FRAS1: variants seen among roughly 807,000 people sequenced by gnomAD.
FRAS1 encodes the protein extracellular matrix organizing protein FRAS1.
Under a neutral mutation model 435.2 loss-of-function variants are expected in FRAS1, and 290 were observed. That is an observed-to-expected ratio of 0.67 (90% confidence interval 0.61 to 0.73). FRAS1 has a LOEUF of 0.73. Among genes scored for constraint, FRAS1 ranks in the 30% least tolerant of loss-of-function variants. The pLI, the probability that FRAS1 is intolerant of heterozygous loss-of-function variation, is 0.00. For synonymous variants in FRAS1, 1,800 were observed against 1,851.0 expected, an observed-to-expected ratio of 0.97 and a Z score of 0.71; for missense variants, 4,860 against 5,001.5, an observed-to-expected ratio of 0.97 and a Z score of 0.85.
intron 2 of FRAS1, among the ~76,000 whole-genome samples, chr4:78,164,418 A>C (rs1721258938): frequency 6.6e-6 from 1 of 152,210 alleles, no homozygotes. Context: ...CAATTAATAA[A>C]GATCTTTTTA....
At chr4:78,070,527 T>C (rs1472257726) in intron 2 of FRAS1, 2 of 152,194 alleles carry the variant, frequency 1.3e-5, no homozygotes, top group Non-Finnish European at 2.9e-5. Flanking sequence ...TTTTGGGGTG[T>C]GTTTCTTACT....
intron 18 of FRAS1, among the ~76,000 whole-genome samples, chr4:78,327,716 AT>A (rs1729774484): frequency 6.6e-6 from 1 of 152,212 alleles, no homozygotes; most frequent in Admixed American, 6.5e-5. Context: ...TCTCCCATAT[AT>A]GCTCTGTAAT....
rs945154920 is a variant in FRAS1, at chr4:78,424,394, C to A, written c.4685C>A (p.Pro1562Gln). Residue 1562 changes from proline (P) to glutamine (Q), a missense_variant, in exon 35 of 74, where the codon CCA (proline) becomes CAA (glutamine). Transcript: ENST00000512123. The stretch of plus-strand genomic sequence containing the variant: ...GTCTCTCTTACTCTTTTAGGTCTCC[C>A]AGAATCAGTGAAATTCCACTTCACA... ...ELMAFSFAGL[P>Q]ESVKFHFTVS... 169 of 1,466,978 alleles carry A rather than the reference C, an allele frequency of 1.2e-4. No homozygotes were observed. Among genetic ancestry groups the A allele is most frequent in the Non-Finnish European group, 1.4e-4 (159 of 1,099,752 alleles). 90.9% of individuals were successfully genotyped at this position (1,466,978 alleles called of 1,614,324 possible). A position where few individuals can be genotyped will look rare whatever the true frequency, so the allele number is the denominator to read the frequency against.
At chr4:78,453,796 CA>C (rs10594388) in intron 47 of FRAS1, among the ~76,000 whole-genome samples, 3 of 150,778 alleles carry the variant, frequency 2.0e-5, no homozygotes, top group African/African-American at 7.3e-5. Flanking sequence ...GACCCTATCT[CA>C]AAAAAAAAAG....
intron 2 of FRAS1, among the ~76,000 whole-genome samples, chr4:78,219,209 A>T (rs1374835490): frequency 2.0e-5 from 3 of 152,200 alleles, no homozygotes; most frequent in African/African-American, 7.2e-5. Flanking sequence ...TACATCTATT[A>T]TCAGACTGAA....
intron 36 of FRAS1, among the ~76,000 whole-genome samples, chr4:78,429,848 C>T (rs771897283): frequency 7.9e-5 from 12 of 152,264 alleles, no homozygotes; most frequent in Non-Finnish European, 1.3e-4. Context: ...TACAAGGATG[C>T]CTGTCACTTT....
At chr4:78,225,120 G>C (rs1724215045) in intron 2 of FRAS1, among the ~76,000 whole-genome samples, 1 of 152,182 alleles carries the variant, frequency 6.6e-6, no homozygotes, top group South Asian at 2.1e-4. Flanking sequence ...GGATGTCTGA[G>C]AGCCTCTGTT....
At chr4:78,262,474 G>C (rs569698428) in intron 6 of FRAS1, among the ~76,000 whole-genome samples, 5 of 152,324 alleles carry the variant, frequency 3.3e-5, no homozygotes, top group African/African-American at 1.2e-4. Context: ...AAGGTGGAAA[G>C]TTGGGAAGAG....
intron 2 of FRAS1, among the ~76,000 whole-genome samples, chr4:78,234,064 G>T (rs183359356): frequency 6.6e-6 from 1 of 152,286 alleles, no homozygotes; most frequent in East Asian, 1.9e-4. Flanking sequence ...GGGAGCGTAA[G>T]TAAGTGATCA....
In FRAS1 at chr4:78,370,023, C is replaced by T. The variant is rs1324123456; in HGVS notation, c.2869+39C>T. The T allele has an allele frequency of 1.9e-6, 3 of 1,589,332 alleles. No homozygotes were observed. The East Asian group carries it at 6.7e-5, about 36-fold the overall frequency. ...TGAATTGTGTAAAGATTCTTTTACA[C>T]AGTGATACCACTTTACTACTGATGT... On this transcript the variant is annotated intron_variant, in intron 23 of 73. Coordinates refer to ENST00000512123, the MANE Select transcript of FRAS1 (RefSeq NM_025074.7).
At chr4:78,272,783 T>G (rs1726778319) in intron 9 of FRAS1, among the ~76,000 whole-genome samples, 1 of 152,218 alleles carries the variant, frequency 6.6e-6, no homozygotes, top group Admixed American at 6.5e-5. Context: ...TAGGATTGAC[T>G]TGGCAATGCA....
intron 26 of FRAS1, among the ~76,000 whole-genome samples, chr4:78,378,230 T>C (rs1179086586): frequency 6.6e-6 from 1 of 152,172 alleles, no homozygotes; most frequent in Non-Finnish European, 1.5e-5. Flanking sequence ...GGTTCATCCA[T>C]ATGATATCAT....
chr4:78,331,065 C>T (rs1226443317), intron 18 of FRAS1, among the ~76,000 whole-genome samples: 5 of 151,826 alleles, frequency 3.3e-5, no homozygotes, highest in South Asian at 2.1e-4. Flanking sequence ...TCAAGCTGGC[C>T]GATGCTTAAG....
intron 70 of FRAS1, among the ~76,000 whole-genome samples, chr4:78,529,962 A>G (rs766102105): frequency 2.0e-5 from 3 of 152,238 alleles, no homozygotes; most frequent in African/African-American, 4.8e-5. Context: ...ACCACTGTAT[A>G]TAAGTTTCAT....
Position 78,255,331 on chromosome 4 carries a change from G to T in FRAS1, c.559G>T (p.Ala187Ser). Residue 187 changes from alanine to serine, a missense_variant, in exon 6 of 74, where the codon GCC (alanine) becomes TCC (serine). Physicochemically the swap from Ala to Ser is moderately conservative, Grantham distance 99. Transcript: ENST00000512123. ...CAAATGTCTGTGTAGAAATGGGGTT[G>T]CCCAGTGCTTCACAGCTCAGTGTCA... ...CAKCLCRNGV[A>S]QCFTAQCQPL... The T allele has an allele frequency of 2.5e-6, 4 of 1,582,410 alleles. No homozygotes were observed. Among genetic ancestry groups the T allele is most frequent in the Non-Finnish European group, 3.4e-6 (4 of 1,163,490 alleles).
intron 35 of FRAS1, among the ~76,000 whole-genome samples, chr4:78,426,725 A>G (rs115835190): frequency 0.022 from 3,365 of 152,340 alleles, 133 homozygotes; most frequent in African/African-American, 0.077. Flanking sequence ...TTAGCCCAAA[A>G]AGGCATTTGA....
intron 31 of FRAS1, among the ~76,000 whole-genome samples, chr4:78,411,107 G>A (rs1560712047): frequency 1.6e-5 from 2 of 127,550 alleles, no homozygotes; most frequent in African/African-American, 5.6e-5. Context: ...GAGTTGCATG[G>A]ATTTTTTTTC....
chr4:78,379,141 G>A (rs1372328506), intron 26 of FRAS1: 1 of 152,714 alleles, frequency 6.5e-6, no homozygotes, highest in Non-Finnish European at 1.5e-5. Context: ...TTAAGAAAAG[G>A]TTGGCACACG....
intron 2 of FRAS1, chr4:78,181,360 G>A (rs1578170692): frequency 1.2e-6 from 2 of 1,611,530 alleles, no homozygotes; most frequent in East Asian, 4.5e-5. Context: ...CAGTTAATTC[G>A]TCTTTGACAG....
Sources: allele counts gnomAD v4.1 joint callset (sites outside exome capture counted in the v4.1 genomes callset), GRCh38; gene constraint gnomAD v4.1.1; transcripts MANE v1.5; gene names NCBI Gene and HGNC (gene_info 2026-07-23, HGNC 2026-07-21).